Variants in ADGRV1 observed in about 807,000 individuals in gnomAD.
The protein encoded by ADGRV1 is G-protein coupled receptor 98.
ADGRV1 carries 359 observed loss-of-function variants against 596.2 expected under a neutral mutation model. That is an observed-to-expected ratio of 0.60 (90% CI 0.55 to 0.66). The LOEUF is 0.66. ADGRV1 is among the 30% of genes least tolerant of loss of function. The pLI, the probability that ADGRV1 is intolerant of heterozygous loss-of-function variation, is 0.00. For synonymous variants in ADGRV1, 2,681 were observed against 2,679.2 expected (o/e 1.00, Z -0.02); for missense variants, 7,274 against 7,575.6 (o/e 0.96, Z 1.48).
rs757293737 is a variant in ADGRV1, at chr5:90,614,765, T to C, written c.23-70T>C. ...ACTCTTCATACTATGTTTATATCTA[T>C]AGACAATACAATCTAATGAGAATAG... On this transcript the variant is annotated intron_variant, in intron 1 of 89. Coordinates refer to ENST00000405460, the MANE Select transcript of ADGRV1 (RefSeq NM_032119.4). 4.5e-6 allele frequency: 5 copies of C among 1,108,826 alleles called. No individual in the cohort carries two copies. The Admixed American group carries it at 9.8e-5, about 22-fold the overall frequency. 68.7% of individuals were successfully genotyped at this position (1,108,826 alleles called of 1,614,324 possible). A position where few individuals can be genotyped will look rare whatever the true frequency, so the allele number is the denominator to read the frequency against.
rs1161466408 is a variant in ADGRV1 at position 90,777,096 on chromosome 5, G to C, written c.12527+520G>C. 3.3e-5 allele frequency among the ~76,000 whole-genome samples: 5 copies of C among 152,288 alleles called. No individual in the cohort carries two copies. The South Asian group carries it at 1.0e-3, about 32-fold the overall frequency. The stretch of plus-strand genomic sequence containing the variant: ...TAATTGGTTCAAGGTTCTGCAGGCT[G>C]TACAGGAAGCATGGCTGGGGAGGCC... On this transcript the variant is annotated intron_variant, in intron 61 of 89. Coordinates refer to ENST00000405460, the MANE Select transcript of ADGRV1 (RefSeq NM_032119.4).
chr5:91,092,792 C>G (rs925987933), intron 86 of ADGRV1: 3 of 151,932 alleles, frequency 2.0e-5, no homozygotes, highest in Non-Finnish European at 4.4e-5. Context: ...AAAATACTAC[C>G]CATATGAGAA....
At position 90,619,103 on chromosome 5, in the gene ADGRV1, G is replaced by A. The variant is rs753522355; in HGVS notation, c.375G>A (p.Val125=). 6.8e-7 allele frequency: 1 copy of A among 1,463,322 alleles called. No homozygotes were observed. Among genetic ancestry groups the A allele is most frequent in the Non-Finnish European group, 9.1e-7 (1 of 1,096,774 alleles). The allele number at this position is 1,463,322 out of a possible 1,614,324, so 90.6% of individuals were successfully genotyped here. A position where few individuals can be genotyped will look rare whatever the true frequency, so the allele number is the denominator to read the frequency against. The change falls in exon 4 of 90, where the codon GTG becomes GTA. Residue 125 remains valine (V), a synonymous_variant. Transcript: ENST00000405460. ...HLTLQKPSAN[V]KLGWPRTVTV... ...TATTTTAGAAACCTTCAGCAAATGT[G>A]AAGCTTGGATGGCCAAGGACTGTTA...
intron 85 of ADGRV1, among the ~76,000 whole-genome samples, chr5:91,050,351 C>T (rs944004623): frequency 2.0e-5 from 3 of 152,156 alleles, no homozygotes; most frequent in Non-Finnish European, 4.4e-5. Context: ...AAATAGTGTA[C>T]TTTGTGCCTC....
chr5:90,848,006 CA>C (rs1261652831), intron 78 of ADGRV1, among the ~76,000 whole-genome samples: 2 of 152,136 alleles, frequency 1.3e-5, no homozygotes, highest in Non-Finnish European at 2.9e-5. Flanking sequence ...GGGCTGCCAG[CA>C]CGCTGTCACC....
At chr5:91,083,932 GAAAT>G (rs1789639052) in intron 86 of ADGRV1, among the ~76,000 whole-genome samples, 1 of 152,204 alleles carries the variant, frequency 6.6e-6, no homozygotes, top group East Asian at 1.9e-4. Context: ...CAACATGAGA[GAAAT>G]AAATATTGTT....
At chr5:90,977,670 G>T (rs528973388) in intron 84 of ADGRV1, among the ~76,000 whole-genome samples, 11 of 152,236 alleles carry the variant, frequency 7.2e-5, no homozygotes, top group Non-Finnish European at 1.6e-4. Flanking sequence ...TTTCTATCTG[G>T]ATATTGGGAA....
At chr5:90,931,868 A>G (rs2150809132) in intron 83 of ADGRV1, among the ~76,000 whole-genome samples, 1 of 152,288 alleles carries the variant, frequency 6.6e-6, no homozygotes, top group South Asian at 2.1e-4. Context: ...TGCTTAAATA[A>G]ATTTAAGCCC....
intron 8 of ADGRV1, 161 bp from the exon 9 acceptor site, chr5:90,629,049 C>A: frequency 1.5e-6 from 1 of 646,500 alleles, no homozygotes; most frequent in Non-Finnish European, 2.4e-6. Flanking sequence ...ATTTCCAAAT[C>A]TGTTTTTGGT....
intron 50 of ADGRV1, among the ~76,000 whole-genome samples, chr5:90,742,316 C>A (rs914976193): frequency 3.3e-5 from 5 of 152,146 alleles, no homozygotes; most frequent in African/African-American, 7.2e-5. Context: ...AAGGAAGAAT[C>A]ATTTAATTGA....
intron 85 of ADGRV1, among the ~76,000 whole-genome samples, chr5:90,997,261 T>C (rs1781496237): frequency 6.6e-6 from 1 of 152,030 alleles, no homozygotes; most frequent in Non-Finnish European, 1.5e-5. Flanking sequence ...CGGGAGGTGA[T>C]TGGATTATGG....
chr5:91,097,652 TG>T (rs1790991632), intron 86 of ADGRV1, among the ~76,000 whole-genome samples: 2 of 152,212 alleles, frequency 1.3e-5, no homozygotes, highest in South Asian at 4.1e-4. Flanking sequence ...TCTACCAAAC[TG>T]TTTTCCACGG....
chr5:90,843,625 C>T (rs1325692416), intron 78 of ADGRV1, among the ~76,000 whole-genome samples: 2 of 152,148 alleles, frequency 1.3e-5, no homozygotes, highest in Admixed American at 1.3e-4. Context: ...AAGCCTCAGA[C>T]AAAACCCAGA....
At chr5:90,790,553 G>C (rs891450730) in intron 69 of ADGRV1, among the ~76,000 whole-genome samples, 1 of 152,118 alleles carries the variant, frequency 6.6e-6, no homozygotes, top group African/African-American at 2.4e-5. Flanking sequence ...TTGAAATACT[G>C]TGTGTGGTGT....
At position 90,728,805 on chromosome 5, in the gene ADGRV1, T is replaced by C; in HGVS notation, c.10298T>C (p.Leu3433Pro). Residue 3433 changes from leucine (L) to proline (P), a missense_variant, in exon 49 of 90, where the codon CTT becomes CCT. Leu to Pro is a moderately conservative substitution (Grantham distance 98). Coordinates refer to ENST00000405460, the MANE Select transcript of ADGRV1 (RefSeq NM_032119.4). ...CAGGCTAATGCCAGGCTAAACTCCCTTTTATTCAGATGGTCTGGCAGTGGG... is the reference window on the plus strand; with the variant it reads ...CAGGCTAATGCCAGGCTAAACTCCCCTTTATTCAGATGGTCTGGCAGTGGG... ...ISQANARLNSLLFRWSGSGFI... is the reference protein window; with the variant it reads ...ISQANARLNSPLFRWSGSGFI... The C allele has an allele frequency of 6.2e-7, 1 of 1,613,966 alleles. No individual in the cohort carries two copies. The highest frequency in any genetic ancestry group is 8.5e-7 in the Non-Finnish European group (1 of 1,179,854).
At chr5:90,807,798 T>A in intron 73 of ADGRV1, 61 bp downstream of exon 73, 2 of 1,417,318 alleles carry the variant, frequency 1.4e-6, no homozygotes, top group Non-Finnish European at 9.5e-7. Flanking sequence ...AATTCATCCA[T>A]CAAAACAGAA....
At chr5:91,141,664 A>G (rs1263257417) in intron 87 of ADGRV1, among the ~76,000 whole-genome samples, 1 of 152,200 alleles carries the variant, frequency 6.6e-6, no homozygotes, top group African/African-American at 2.4e-5. Flanking sequence ...AAATGCAGAA[A>G]TACTGTATAT....
Position 90,576,216 on chromosome 5 carries a change from A to G in ADGRV1, c.22+17299A>G, listed in dbSNP as rs2151964856. On this transcript the variant is annotated intron_variant, in intron 1 of 89. Coordinates refer to ENST00000405460, the MANE Select transcript of ADGRV1 (RefSeq NM_032119.4). ...GTCATGTTGGTTTGCTGCACCCATC[A>G]ACCCGTCATTTACATTAGGTGTTTC... is the stretch of plus-strand genomic sequence containing the variant. 1.3e-5 allele frequency among the ~76,000 whole-genome samples: 2 copies of G among 152,082 alleles called. 1 individual carries two copies. The highest frequency in any genetic ancestry group is 6.8e-3 in the Middle Eastern group (2 of 294).
At chr5:91,078,546 A>G (rs916381295) in intron 86 of ADGRV1, among the ~76,000 whole-genome samples, 2 of 152,194 alleles carry the variant, frequency 1.3e-5, no homozygotes, top group Non-Finnish European at 2.9e-5. Context: ...ATGCTTTTTC[A>G]TAATGGGCCT....
Sources: gnomAD v4.1 joint callset for allele counts (sites outside exome capture counted in the v4.1 genomes callset) on GRCh38, gnomAD v4.1.1 for gene constraint, MANE v1.5 for transcripts, NCBI Gene and HGNC (gene_info 2026-07-23, HGNC 2026-07-21) for gene names.